Variants in ZGRF1 observed in about 807,000 individuals in gnomAD.
ZGRF1 encodes the protein 5'-3' DNA helicase ZGRF1.
Under a neutral mutation model 203.5 loss-of-function variants are expected in ZGRF1, and 196 were observed. The ratio of observed to expected loss-of-function variants is 0.96; its 90% CI spans 0.86 to 1.08. ZGRF1 has a LOEUF of 1.08. ZGRF1 is among the 50% of genes least tolerant of loss of function. ZGRF1 has a pLI of 0.00. For synonymous variants in ZGRF1, 809 were observed against 841.3 expected (o/e 0.96, Z 0.66); for missense variants, 2,326 against 2,416.3 (o/e 0.96, Z 0.78).
At position 112,580,138 on chromosome 4, in the gene ZGRF1, C is replaced by G. The variant is rs1221338405; in HGVS notation, c.4438+1525G>C. Among the ~76,000 whole-genome samples, 9 of 123,050 alleles carry G rather than the reference C, an allele frequency of 7.3e-5. 2 individuals are homozygous for G. Among genetic ancestry groups the G allele is most frequent in the African/African-American group, 2.5e-4 (9 of 35,480 alleles). The allele number at this position is 123,050 out of a possible 152,430, so 80.7% of individuals were successfully genotyped here. A position where few individuals can be genotyped will look rare whatever the true frequency, so the allele number is the denominator to read the frequency against. ...AATAATGCCGCATACCTACAACTAT[C>G]TGATCTTTGACAAACCTGACAAAAA... On this transcript the variant is annotated intron_variant, in intron 16 of 27. Coordinates refer to ENST00000505019, the MANE Select transcript of ZGRF1 (RefSeq NM_018392.5).
In ZGRF1 at chr4:112,586,496, C is replaced by T. The variant is rs1747212248; in HGVS notation, c.3865G>A (p.Val1289Ile). The change falls in exon 13 of 28, where the codon GTT (valine) becomes ATT (isoleucine). Residue 1289 changes from valine to isoleucine, a missense_variant. Transcript: ENST00000505019. ...LPQRQIHIPA[V>I]FQSPAHYKQT... is the part of the protein sequence containing the mutation. ...TTATAATGAGCAGGAGACTGAAAAA[C>T]AGCTGGTATGTGAATTTGCCTTTGG... 6.2e-7 allele frequency: 1 copy of T among 1,613,048 alleles called. No individual in the cohort carries two copies. Among genetic ancestry groups the T allele is most frequent in the Non-Finnish European group, 8.5e-7 (1 of 1,179,514 alleles).
chr4:112,585,085 C>T (rs1275096095), intron 14 of ZGRF1, among the ~76,000 whole-genome samples: 1 of 152,082 alleles, frequency 6.6e-6, no homozygotes, highest in Non-Finnish European at 1.5e-5. Flanking sequence ...GAGCATATTC[C>T]TCCTATTTTA....
rs1266846515 is a variant in ZGRF1 at position 112,548,974 on chromosome 4, C to T, written c.5347-594G>A. ...CTAAAAATACAAAAAATTAGCCGGG[C>T]GTAGTGGCGGGCGCCTGTAGTCCCA... is the stretch of plus-strand genomic sequence containing the variant. On this transcript the variant is annotated intron_variant, in intron 22 of 27. Transcript: ENST00000505019. Among the ~76,000 whole-genome samples the T allele has an allele frequency of 2.6e-5, 2 of 77,310 alleles. 1 individual carries two copies. The allele number at this position is 77,310 out of a possible 152,430, so 50.7% of individuals were successfully genotyped here.
chr4:112,553,779 G>A (rs1740402618), intron 22 of ZGRF1, 56 bp downstream of exon 22: 3 of 1,427,154 alleles, frequency 2.1e-6, no homozygotes, highest in Non-Finnish European at 2.9e-6. Context: ...ACAGAAATAA[G>A]AGAATCTGAA....
chr4:112,569,911 G>A (rs1384080620), intron 16 of ZGRF1, among the ~76,000 whole-genome samples: 1 of 152,024 alleles, frequency 6.6e-6, no homozygotes, highest in African/African-American at 2.4e-5. Flanking sequence ...TTAACAGATA[G>A]ATTTTTAAGA....
intron 16 of ZGRF1, 33 bp from the exon 17 acceptor site, chr4:112,563,307 G>A: frequency 6.8e-7 from 1 of 1,477,226 alleles, no homozygotes; most frequent in Middle Eastern, 1.9e-4. Context: ...ATATTACACA[G>A]ACATATACAG....
At chr4:112,558,450 C>G (rs995592939) in intron 19 of ZGRF1, 141 bp from the exon 20 acceptor site, 4 of 601,080 alleles carry the variant, frequency 6.7e-6, no homozygotes, top group Non-Finnish European at 1.0e-5. Context: ...TCACTGTAAC[C>G]TCCACCTCCC....
chr4:112,556,147 T>C (rs925636889), intron 20 of ZGRF1, among the ~76,000 whole-genome samples: 7 of 151,874 alleles, frequency 4.6e-5, no homozygotes, highest in Non-Finnish European at 2.9e-5. Flanking sequence ...ACTGGAAGAA[T>C]CTTTCTGAAG....
intron 10 of ZGRF1, among the ~76,000 whole-genome samples, chr4:112,592,115 T>G (rs1748271152): frequency 6.7e-6 from 1 of 150,280 alleles, no homozygotes; most frequent in African/African-American, 2.4e-5. Context: ...TTTTTTTTTT[T>G]GAGATCAAGT....
intron 3 of ZGRF1, 137 bp downstream of exon 3, chr4:112,631,793 A>C (rs1168600903): frequency 1.1e-5 from 5 of 472,680 alleles, no homozygotes; most frequent in Non-Finnish European, 1.9e-5. Context: ...TGATATGGGG[A>C]TCATTTGAAA....
intron 3 of ZGRF1, among the ~76,000 whole-genome samples, chr4:112,624,428 G>A (rs1473006906): frequency 6.6e-6 from 1 of 151,602 alleles, no homozygotes; most frequent in Admixed American, 6.6e-5. Flanking sequence ...CTGCATTCCA[G>A]CCTAGGCAAC....
At chr4:112,564,889 C>T (rs28528738) in intron 16 of ZGRF1, 3 of 638,946 alleles carry the variant, frequency 4.7e-6, no homozygotes, top group African/African-American at 1.8e-5. Context: ...TGTTCGCAGC[C>T]GCCACCGCGC....
At position 112,608,521 on chromosome 4, in the gene ZGRF1, G is replaced by A. The variant is rs548559100; in HGVS notation, c.2718+858C>T. Among the ~76,000 whole-genome samples the A allele has an allele frequency of 7.9e-5, 12 of 152,298 alleles. No individual in the cohort carries two copies. The South Asian group carries it at 2.5e-3, about 32-fold the overall frequency. ...TGTCACCCCAGCTACTCAGGAGGCT[G>A]AGGGAAGAGAATTGCTTGAACCCAG... On this transcript the variant is annotated intron_variant, in intron 8 of 27. Coordinates refer to ENST00000505019, the MANE Select transcript of ZGRF1 (RefSeq NM_018392.5).
At chr4:112,608,585 A>C (rs1401227418) in intron 8 of ZGRF1, among the ~76,000 whole-genome samples, 2 of 152,112 alleles carry the variant, frequency 1.3e-5, no homozygotes, top group African/African-American at 2.4e-5. Context: ...ACACCATTGC[A>C]CTCCAGCCTG....
At chr4:112,585,962 G>A (rs1747114659) in intron 13 of ZGRF1, among the ~76,000 whole-genome samples, 1 of 151,828 alleles carries the variant, frequency 6.6e-6, no homozygotes, top group Non-Finnish European at 1.5e-5. Flanking sequence ...TACTGGCCAA[G>A]TGTGGTGGCT....
At position 112,618,167 on chromosome 4, in the gene ZGRF1, T is replaced by C. The variant is rs774616158; in HGVS notation, c.1875A>G (p.Ile625Met). ...DKTYVGFDMG[I>M]CKTENTGKEI... Reference sequence around the variant, plus strand: ...CTTTTCCTGTGTTTTCAGTTTTACATATTCCCATGTCAAAACCCACATAAG... The same window carrying C: ...CTTTTCCTGTGTTTTCAGTTTTACACATTCCCATGTCAAAACCCACATAAG... Residue 625 changes from isoleucine to methionine, a missense_variant, in exon 6 of 28, where the codon ATA becomes ATG. Physicochemically the swap from Ile to Met is conservative, Grantham distance 10. Transcript: ENST00000505019. 1.2e-6 allele frequency: 2 copies of C among 1,613,798 alleles called. No individual in the cohort carries two copies. Among genetic ancestry groups the C allele is most frequent in the South Asian group, 1.1e-5 (1 of 90,992 alleles).
intron 6 of ZGRF1, among the ~76,000 whole-genome samples, chr4:112,613,746 C>T (rs891759357): frequency 9.9e-5 from 15 of 152,106 alleles, no homozygotes; most frequent in Admixed American, 7.9e-4. Context: ...CTAGTTTTGC[C>T]ACCTTATCAG....
chr4:112,595,686 T>C (rs1339374407), intron 10 of ZGRF1, among the ~76,000 whole-genome samples: 1 of 152,198 alleles, frequency 6.6e-6, no homozygotes, highest in East Asian at 1.9e-4. Flanking sequence ...TAAGTGAAGA[T>C]TAAAAAATTC....
chr4:112,581,661 A>G lies in ZGRF1; in HGVS notation c.4438+2T>C, dbSNP rs878998681. ...ATCGCCAGTATGATCAGATCAACTTACTTTTGCTATAAGCTGAAGATCTTT... is the reference window on the plus strand; with the variant it reads ...ATCGCCAGTATGATCAGATCAACTTGCTTTTGCTATAAGCTGAAGATCTTT... On this transcript the variant is annotated splice_donor_variant, in intron 16 of 27. Coordinates refer to ENST00000505019, the MANE Select transcript of ZGRF1 (RefSeq NM_018392.5). LOFTEE classifies it high-confidence loss of function. 1.9e-6 allele frequency: 3 copies of G among 1,575,820 alleles called. No individual in the cohort carries two copies. The highest frequency in any genetic ancestry group is 1.4e-5 in the African/African-American group (1 of 72,690).
Sources: gnomAD v4.1 joint callset for allele counts (sites outside exome capture counted in the v4.1 genomes callset) on GRCh38, gnomAD v4.1.1 for gene constraint, MANE v1.5 for transcripts, NCBI Gene and HGNC (gene_info 2026-07-23, HGNC 2026-07-21) for gene names.